PCDH7: variants seen among roughly 807,000 people sequenced by gnomAD.
PCDH7 encodes protocadherin 7.
PCDH7 carries 17 observed loss-of-function variants against 58.9 expected under a neutral mutation model. That is an observed-to-expected ratio of 0.29 (90% CI 0.20 to 0.43). The LOEUF (loss-of-function observed/expected upper bound fraction) is 0.43, where lower values mean the gene tolerates loss of function less well. Ranked by LOEUF, PCDH7 falls within the 20% of genes least tolerant of loss-of-function variation. The pLI is 1.00. For synonymous variants in PCDH7, 664 were observed against 616.4 expected, an observed-to-expected ratio of 1.08 and a Z score of -1.14; for missense variants, 1,274 against 1,441.0, an observed-to-expected ratio of 0.88 and a Z score of 1.88.
chr4:31,020,119 A>G (rs1286077516), intron 3 of PCDH7, among the ~76,000 whole-genome samples: 1 of 152,176 alleles, frequency 6.6e-6, no homozygotes, highest in Non-Finnish European at 1.5e-5. Context: ...CCCCATAGAA[A>G]CAAACAAAAA....
At chr4:31,104,624 A>T (rs1715318155) in intron 3 of PCDH7, among the ~76,000 whole-genome samples, 1 of 152,220 alleles carries the variant, frequency 6.6e-6, no homozygotes, top group African/African-American at 2.4e-5. Flanking sequence ...AAATGATTTA[A>T]TTTGCAGGAC....
chr4:30,792,035 T>C (rs1724184834), intron 1 of PCDH7, among the ~76,000 whole-genome samples: 1 of 152,224 alleles, frequency 6.6e-6, no homozygotes, highest in African/African-American at 2.4e-5. Flanking sequence ...TTCAAAAGTT[T>C]TTCATTAAAT....
intron 2 of PCDH7, among the ~76,000 whole-genome samples, chr4:30,946,727 T>TGTGTGTGTGTGA (rs1048658000): frequency 3.3e-5 from 5 of 149,986 alleles, no homozygotes; most frequent in East Asian, 3.9e-4. Context: ...TGTGTGTGTG[T>TGTGTGTGTGTGA]GACAGAGTCC....
At chr4:31,010,268 A>T (rs568284229) in intron 3 of PCDH7, among the ~76,000 whole-genome samples, 1 of 152,106 alleles carries the variant, frequency 6.6e-6, no homozygotes, top group South Asian at 2.1e-4. Flanking sequence ...AGAGCTAGAA[A>T]CTTAATGAAA....
intron 1 of PCDH7, among the ~76,000 whole-genome samples, chr4:30,861,903 T>C (rs1374926606): frequency 1.3e-5 from 2 of 152,150 alleles, no homozygotes; most frequent in Non-Finnish European, 2.9e-5. Flanking sequence ...GTTAAATTTC[T>C]GGTTCATTTT....
intron 3 of PCDH7, among the ~76,000 whole-genome samples, chr4:31,135,658 T>C (rs1719511435): frequency 1.3e-5 from 2 of 152,218 alleles, no homozygotes; most frequent in Non-Finnish European, 2.9e-5. Flanking sequence ...TTATAAGACG[T>C]TATATGTTAT....
chr4:30,838,841 G>T (rs967670339), intron 1 of PCDH7, among the ~76,000 whole-genome samples: 4 of 152,022 alleles, frequency 2.6e-5, no homozygotes, highest in African/African-American at 9.7e-5. Context: ...CAGATCAGGG[G>T]CCAACGTTTC....
chr4:30,884,629 T>C (rs1193146860), intron 1 of PCDH7: 1 of 152,176 alleles, frequency 6.6e-6, no homozygotes, highest in African/African-American at 2.4e-5. Flanking sequence ...ATGGCCCGAA[T>C]ATTACACTTT....
chr4:31,053,456 A>G (rs921442523), intron 3 of PCDH7, among the ~76,000 whole-genome samples: 9 of 152,252 alleles, frequency 5.9e-5, no homozygotes, highest in Admixed American at 5.9e-4. Flanking sequence ...CAGTTTCAAT[A>G]AGATGTCCTG....
intron 3 of PCDH7, among the ~76,000 whole-genome samples, chr4:31,078,608 G>A (rs907705085): frequency 2.8e-5 from 4 of 144,630 alleles, no homozygotes; most frequent in African/African-American, 1.0e-4. Context: ...GGGATCATAG[G>A]CAAGAACCAC....
At chr4:30,901,574 C>T (rs187463450) in intron 1 of PCDH7, among the ~76,000 whole-genome samples, 7 of 152,124 alleles carry the variant, frequency 4.6e-5, no homozygotes, top group South Asian at 2.1e-4. Flanking sequence ...GTGTAAAACA[C>T]GGCAGGGAAT....
At chr4:31,119,316 G>T (rs143570169) in intron 3 of PCDH7, among the ~76,000 whole-genome samples, 262 of 152,226 alleles carry the variant, frequency 1.7e-3, no homozygotes, top group Non-Finnish European at 3.1e-3. Context: ...ATTGAGCGCA[G>T]ATCAATCTGT....
chr4:30,989,691 AT>A (rs2109121620), intron 3 of PCDH7, among the ~76,000 whole-genome samples: 1 of 152,284 alleles, frequency 6.6e-6, no homozygotes, highest in East Asian at 1.9e-4. Context: ...TGAGTTAGAG[AT>A]TCATAACCAA....
intron 3 of PCDH7, among the ~76,000 whole-genome samples, chr4:31,094,544 G>A (rs1337722955): frequency 6.6e-6 from 1 of 152,074 alleles, no homozygotes; most frequent in Non-Finnish European, 1.5e-5. Context: ...TCACAGACAG[G>A]TCACACTGAG....
intron 3 of PCDH7, among the ~76,000 whole-genome samples, chr4:31,038,614 T>TA (rs764839804): frequency 1.9e-4 from 29 of 152,220 alleles, no homozygotes; most frequent in Non-Finnish European, 4.0e-4. Flanking sequence ...TATATACATG[T>TA]AATTACACTG....
intron 2 of PCDH7, among the ~76,000 whole-genome samples, chr4:30,936,519 A>G (rs761006174): frequency 2.0e-5 from 3 of 152,108 alleles, no homozygotes; most frequent in African/African-American, 2.4e-5. Context: ...CGTAGTTTTA[A>G]GCAAATCCCT....
chr4:30,906,557 G>A (rs1740956754), intron 1 of PCDH7, among the ~76,000 whole-genome samples: 1 of 152,144 alleles, frequency 6.6e-6, no homozygotes, highest in South Asian at 2.1e-4. Flanking sequence ...ATACAGTATA[G>A]TTGAAAAGTC....
intron 3 of PCDH7, among the ~76,000 whole-genome samples, chr4:31,112,156 C>G (rs1432643183): frequency 6.6e-6 from 1 of 152,098 alleles, no homozygotes; most frequent in African/African-American, 2.4e-5. Flanking sequence ...TACTAACTTG[C>G]CACTTAGTTT....
intron 1 of PCDH7, among the ~76,000 whole-genome samples, chr4:30,837,896 ATT>A (rs966764313): frequency 3.3e-5 from 3 of 91,216 alleles, no homozygotes; most frequent in Admixed American, 2.0e-4. Context: ...TATTATGTAT[ATT>A]TTATATATAT....
Sources: allele counts gnomAD v4.1 joint callset (sites outside exome capture counted in the v4.1 genomes callset), GRCh38; gene constraint gnomAD v4.1.1; transcripts MANE v1.5; gene names NCBI Gene and HGNC (gene_info 2026-07-23, HGNC 2026-07-21).